The following ADAMTSL1 variants were observed in gnomAD, a reference collection of about 807,000 sequenced individuals.
The protein encoded by ADAMTSL1 is ADAMTS like 1, also known as ADAMTS-like protein 1.
ADAMTSL1 carries 126 observed loss-of-function variants against 201.8 expected under a neutral mutation model. That is an observed-to-expected ratio of 0.62 (90% CI 0.54 to 0.72). ADAMTSL1 has a LOEUF of 0.72. Ranked by LOEUF, ADAMTSL1 falls within the 30% of genes least tolerant of loss-of-function variation. The pLI is 0.00. For synonymous variants in ADAMTSL1, 1,121 were observed against 903.4 expected, an observed-to-expected ratio of 1.24 and a Z score of -4.32; for missense variants, 2,679 against 2,277.8, an observed-to-expected ratio of 1.18 and a Z score of -3.59.
intron 20 of ADAMTSL1, 83 bp from the exon 21 acceptor site, chr9:18,817,026 G>T (rs1823901825): frequency 4.6e-6 from 7 of 1,527,084 alleles, no homozygotes; most frequent in Non-Finnish European, 6.2e-6. Flanking sequence ...GCCATGCATT[G>T]GTGGTTAGCC....
intron 1 of ADAMTSL1, among the ~76,000 whole-genome samples, chr9:17,969,026 A>G (rs186448217): frequency 6.6e-6 from 1 of 152,050 alleles, no homozygotes; most frequent in East Asian, 1.9e-4. Context: ...GTATGATAAA[A>G]ATTTCCTCCT....
chr9:18,464,066 G>C (rs1211668568), intron 2 of ADAMTSL1, among the ~76,000 whole-genome samples: 1 of 152,214 alleles, frequency 6.6e-6, no homozygotes, highest in African/African-American at 2.4e-5. Context: ...GTGAGTAGTT[G>C]TTGTTGCTGT....
At chr9:18,038,273 G>A (rs1821288711) in intron 1 of ADAMTSL1, among the ~76,000 whole-genome samples, 1 of 152,082 alleles carries the variant, frequency 6.6e-6, no homozygotes. Flanking sequence ...TTTCCAAGTG[G>A]CATTTTTGGC....
chr9:18,022,346 T>C (rs545303739), intron 1 of ADAMTSL1, among the ~76,000 whole-genome samples: 1 of 152,290 alleles, frequency 6.6e-6, no homozygotes, highest in South Asian at 2.1e-4. Flanking sequence ...CTGTCCTGTA[T>C]TGTTCTCCCT....
At chr9:18,907,242 A>T (rs1488285251) in intron 28 of ADAMTSL1, 1 of 312,544 alleles carries the variant, frequency 3.2e-6, no homozygotes, top group African/African-American at 2.2e-5. Context: ...CTCATCAACA[A>T]CTCTCAGGGG....
intron 23 of ADAMTSL1, among the ~76,000 whole-genome samples, chr9:18,854,091 G>T (rs1040292870): frequency 6.6e-6 from 1 of 152,216 alleles, no homozygotes; most frequent in South Asian, 2.1e-4. Context: ...AGCTAATATT[G>T]TGGAAATTAA....
chr9:18,586,608 A>G (rs1054956490), intron 4 of ADAMTSL1, among the ~76,000 whole-genome samples: 2 of 152,158 alleles, frequency 1.3e-5, no homozygotes, highest in East Asian at 1.9e-4. Context: ...TAAAATTCAT[A>G]TGGAATTTTA....
intron 13 of ADAMTSL1, among the ~76,000 whole-genome samples, chr9:18,704,276 T>G (rs1398320864): frequency 6.6e-6 from 1 of 152,198 alleles, no homozygotes; most frequent in African/African-American, 2.4e-5. Context: ...CCGCAAAATC[T>G]AAAATATTTT....
At chr9:18,616,377 A>T (rs1449075501) in intron 4 of ADAMTSL1, among the ~76,000 whole-genome samples, 1 of 152,202 alleles carries the variant, frequency 6.6e-6, no homozygotes, top group Non-Finnish European at 1.5e-5. Flanking sequence ...ATCAGAGGTT[A>T]TTAGAGCCAC....
chr9:18,281,432 A>G lies in ADAMTSL1; in HGVS notation c.207+117451A>G, dbSNP rs144849585. Among the ~76,000 whole-genome samples, 137 of 152,280 alleles carry G rather than the reference A, an allele frequency of 9.0e-4. 1 individual carries two copies. Among genetic ancestry groups the G allele is most frequent in the African/African-American group, 3.2e-3 (132 of 41,542 alleles). ...AACAACCTGGGCTCCAGAGTCAGCC[A>G]CTGATCCGTGCACAGACGATGAGAG... On this transcript the variant is annotated intron_variant, in intron 2 of 29. Coordinates refer to the ADAMTSL1 transcript ENST00000680146.
At chr9:18,838,075 C>A (rs1042144432) in intron 23 of ADAMTSL1, among the ~76,000 whole-genome samples, 10 of 152,052 alleles carry the variant, frequency 6.6e-5, no homozygotes, top group Non-Finnish European at 1.5e-4. Context: ...AATGGACTTA[C>A]AGTTCCACAT....
At chr9:18,401,363 AG>A (rs951235733) in intron 2 of ADAMTSL1, among the ~76,000 whole-genome samples, 3 of 152,198 alleles carry the variant, frequency 2.0e-5, no homozygotes, top group African/African-American at 4.8e-5. Flanking sequence ...ATTCCCACGG[AG>A]CCCAGTTCTA....
chr9:18,683,928 A>G (rs770257944), intron 12 of ADAMTSL1, among the ~76,000 whole-genome samples: 7 of 152,208 alleles, frequency 4.6e-5, no homozygotes, highest in Non-Finnish European at 1.0e-4. Flanking sequence ...TAAAATGGTG[A>G]TAGAGCATCA....
At chr9:18,753,796 A>T (rs1324826705) in intron 16 of ADAMTSL1, among the ~76,000 whole-genome samples, 2 of 152,148 alleles carry the variant, frequency 1.3e-5, no homozygotes, top group Admixed American at 1.3e-4. Flanking sequence ...GCTAAGGAAA[A>T]TTTTTTAAAA....
intron 5 of ADAMTSL1, among the ~76,000 whole-genome samples, chr9:18,624,552 G>A (rs764799161): frequency 1.3e-5 from 2 of 152,196 alleles, no homozygotes; most frequent in African/African-American, 2.4e-5. Flanking sequence ...CATGTGTGCA[G>A]TGATGGCTGT....
chr9:18,506,838 C>G (rs1817693429), intron 2 of ADAMTSL1, among the ~76,000 whole-genome samples: 1 of 152,024 alleles, frequency 6.6e-6, no homozygotes, highest in Non-Finnish European at 1.5e-5. Flanking sequence ...AGGTTGACTA[C>G]CCATTCTTTA....
chr9:18,122,328 CAGCA>C (rs1825536492), intron 1 of ADAMTSL1, among the ~76,000 whole-genome samples: 1 of 152,188 alleles, frequency 6.6e-6, no homozygotes, highest in African/African-American at 2.4e-5. Context: ...TCTGCAACAG[CAGCA>C]ACAGGAAACA....
chr9:18,622,436 C>T, intron 5 of ADAMTSL1, 67 bp downstream of exon 5: 3 of 1,604,836 alleles, frequency 1.9e-6, no homozygotes, highest in Non-Finnish European at 2.6e-6. Flanking sequence ...TAGGTCTGGC[C>T]CCACTAAACA....
chr9:18,216,433 T>C (rs1484752902), intron 2 of ADAMTSL1, among the ~76,000 whole-genome samples: 13 of 152,198 alleles, frequency 8.5e-5, no homozygotes, highest in Non-Finnish European at 4.4e-5. Flanking sequence ...TTGCAGTAGA[T>C]GCCTCTGAAA....
Sources: gnomAD v4.1 joint callset for allele counts (sites outside exome capture counted in the v4.1 genomes callset) on GRCh38, gnomAD v4.1.1 for gene constraint, MANE v1.5 for transcripts, NCBI Gene and HGNC (gene_info 2026-07-23, HGNC 2026-07-21) for gene names.